Variants in ZNF487 observed in about 807,000 individuals in gnomAD.
ZNF487 encodes the protein zinc finger protein 487.
A neutral mutation model predicts 3.0 loss-of-function variants in ZNF487; 4 were observed. The observed-to-expected ratio is 1.35, with a 90% CI of 0.66 to 3.08. The LOEUF (loss-of-function observed/expected upper bound fraction) is 3.08. Ranked by LOEUF, ZNF487 falls within the 30% of genes most tolerant of loss-of-function variation. The pLI, the probability that ZNF487 is intolerant of heterozygous loss-of-function variation, is 0.01. For synonymous variants in ZNF487, 55 were observed against 34.6 expected (o/e 1.59, Z -2.06); for missense variants, 146 against 98.7 (o/e 1.48, Z -2.03).
At chr10:43,448,836 A>C (rs1839904027) in intron 1 of ZNF487, among the ~76,000 whole-genome samples, 1 of 151,632 alleles carries the variant, frequency 6.6e-6, no homozygotes, top group South Asian at 2.1e-4. Flanking sequence ...AATATATAAA[A>C]ATAAAAAAAA....
rs79333940 is a variant in ZNF487 at position 43,482,172 on chromosome 10, G to T, written c.*250G>T. On this transcript the variant is annotated 3_prime_UTR_variant, in exon 4 of 4. Coordinates refer to ENST00000437590, the MANE Select transcript of ZNF487 (RefSeq NM_001355444.3). ...GAGGAGAGAAAACTTGACTGTAGTA[G>T]ACATTTGGAAGTATTCTGCAAGAAG... 17,793 of 538,494 alleles carry T rather than the reference G, an allele frequency of 0.033. 380 individuals are homozygous for T. Among genetic ancestry groups the T allele is most frequent in the Non-Finnish European group, 0.04 (12,042 of 301,604 alleles). The allele number at this position is 538,494 out of a possible 1,614,324, so 33.4% of individuals were successfully genotyped here.
chr10:43,482,759 A>T lies in ZNF487; in HGVS notation c.*837A>T. 4.2e-6 allele frequency: 2 copies of T among 470,684 alleles called. No homozygotes were observed. The highest frequency in any genetic ancestry group is 3.5e-4 in the Middle Eastern group (1 of 2,894). 29.2% of individuals were successfully genotyped at this position (470,684 alleles called of 1,614,324 possible). ...GAGAGAGACCCTTTGAATGCAATGA[A>T]TGTCAAAAATCCTTCTCTGTGAAGT... On this transcript the variant is annotated 3_prime_UTR_variant, in exon 4 of 4. Coordinates refer to ENST00000437590, the MANE Select transcript of ZNF487 (RefSeq NM_001355444.3).
At chr10:43,446,794 C>T (rs1289660234) in intron 1 of ZNF487, among the ~76,000 whole-genome samples, 2 of 152,240 alleles carry the variant, frequency 1.3e-5, no homozygotes, top group South Asian at 4.1e-4. Flanking sequence ...GACCGGGTGG[C>T]GGCTGGGAAG....
chr10:43,448,732 G>A (rs1386660252), intron 1 of ZNF487, among the ~76,000 whole-genome samples: 1 of 152,064 alleles, frequency 6.6e-6, no homozygotes, highest in Non-Finnish European at 1.5e-5. Context: ...CAGGAGAATC[G>A]CTTGAACCTT....
chr10:43,463,789 T>C (rs182567796), intron 1 of ZNF487, among the ~76,000 whole-genome samples: 1 of 151,604 alleles, frequency 6.6e-6, no homozygotes, highest in Admixed American at 6.6e-5. Context: ...TATTTCAGAC[T>C]TTTTTTTATT....
intron 1 of ZNF487, chr10:43,454,511 G>A (rs938915891): frequency 1.3e-5 from 2 of 152,150 alleles, no homozygotes; most frequent in Non-Finnish European, 2.9e-5. Flanking sequence ...TGAATGATCT[G>A]CTGATTTGTG....
chr10:43,458,751 C>T (rs1420858485), intron 1 of ZNF487, among the ~76,000 whole-genome samples: 1 of 151,814 alleles, frequency 6.6e-6, no homozygotes, highest in Non-Finnish European at 1.5e-5. Flanking sequence ...TTGAGTACTT[C>T]GTGTGGGTCG....
At chr10:43,490,978 T>C in the ZNF487 span, among the ~76,000 whole-genome samples, 1 of 70,942 alleles carries the variant, frequency 1.4e-5, no homozygotes, top group Non-Finnish European at 3.9e-5. Context: ...CTGGCCTTTT[T>C]TTTTCTTTTT....
chr10:43,497,943 G>A, the ZNF487 span, among the ~76,000 whole-genome samples: 3 of 146,346 alleles, frequency 2.0e-5, no homozygotes, highest in Non-Finnish European at 4.5e-5. Flanking sequence ...CTCCAGCCTG[G>A]GCGACAGAGC....
chr10:43,498,527 C>T, the ZNF487 span, among the ~76,000 whole-genome samples: 10 of 151,338 alleles, frequency 6.6e-5, no homozygotes, highest in African/African-American at 2.4e-4. Context: ...ATCTGCCCAC[C>T]TCGGCCTCCC....
chr10:43,484,123 C>T (rs1841449238), downstream of ZNF487, among the ~76,000 whole-genome samples: 1 of 151,952 alleles, frequency 6.6e-6, no homozygotes, highest in Non-Finnish European at 1.5e-5. Context: ...CCTGCTTTGG[C>T]CCCCCAAAGT....
chr10:43,469,004 A>G (rs1840809083), intron 1 of ZNF487, among the ~76,000 whole-genome samples: 2 of 150,620 alleles, frequency 1.3e-5, no homozygotes, highest in Admixed American at 6.6e-5. Context: ...AAAAAAAAAA[A>G]AAAAAAAAAA....
chr10:43,479,994 T>C (rs1324017426), intron 3 of ZNF487, among the ~76,000 whole-genome samples: 1 of 68,818 alleles, frequency 1.5e-5, no homozygotes, highest in African/African-American at 3.5e-5. Flanking sequence ...CTTCTTTCTT[T>C]CTTTCTTTCT....
chr10:43,494,471 G>T, the ZNF487 span, among the ~76,000 whole-genome samples: 5 of 152,010 alleles, frequency 3.3e-5, no homozygotes, highest in Non-Finnish European at 7.4e-5. Flanking sequence ...CTGCCCTCTG[G>T]TCTTTGCCTT....
At chr10:43,459,813 A>T (rs1264575419) in intron 1 of ZNF487, among the ~76,000 whole-genome samples, 1 of 128,582 alleles carries the variant, frequency 7.8e-6, no homozygotes, top group Non-Finnish European at 1.6e-5. Flanking sequence ...TATTATTATT[A>T]TTTTCTGAGA....
At chr10:43,507,240 T>C in the ZNF487 span, among the ~76,000 whole-genome samples, 1 of 152,220 alleles carries the variant, frequency 6.6e-6, no homozygotes, top group Non-Finnish European at 1.5e-5. Flanking sequence ...GTGTCTACTC[T>C]GTGAACCATC....
chr10:43,509,469 A>G, the ZNF487 span, among the ~76,000 whole-genome samples: 1 of 149,030 alleles, frequency 6.7e-6, no homozygotes, highest in Non-Finnish European at 1.5e-5. Context: ...ATATATATAT[A>G]TATATATATA....
chr10:43,446,615 C>T (rs1839815853), intron 1 of ZNF487, among the ~76,000 whole-genome samples: 2 of 151,208 alleles, frequency 1.3e-5, no homozygotes, highest in Non-Finnish European at 1.5e-5. Flanking sequence ...GGCAGGGGCG[C>T]TCCCCACATC....
At chr10:43,520,738 ATCCAGCTGCT>A in the ZNF487 span, among the ~76,000 whole-genome samples, 1 of 152,224 alleles carries the variant, frequency 6.6e-6, no homozygotes, top group African/African-American at 2.4e-5. Context: ...TCTTGAAGGC[ATCCAGCTGCT>A]GAGTAGGCTA....
Sources: gnomAD v4.1 joint callset for allele counts (sites outside exome capture counted in the v4.1 genomes callset) on GRCh38, gnomAD v4.1.1 for gene constraint, MANE v1.5 for transcripts, NCBI Gene and HGNC (gene_info 2026-07-23, HGNC 2026-07-21) for gene names.